Variants in RNF180 observed in about 807,000 individuals in gnomAD.
RNF180 encodes E3 ubiquitin-protein ligase RNF180.
Under a neutral mutation model 59.2 loss-of-function variants are expected in RNF180, and 38 were observed. The observed-to-expected ratio is 0.64, with a 90% CI of 0.50 to 0.84. RNF180 has a LOEUF of 0.84. RNF180 is among the 40% of genes least tolerant of loss of function. The pLI, the probability that RNF180 is intolerant of heterozygous loss-of-function variation, is 0.00. For missense variants in RNF180, 705 were observed against 700.9 expected (o/e 1.01, Z -0.07); for synonymous variants, 262 against 240.3 (o/e 1.09, Z -0.84).
In RNF180 at chr5:64,325,330, C is replaced by T. The variant is rs987753262; in HGVS notation, c.1372C>T (p.Arg458Trp). 7.7e-6 allele frequency: 12 copies of T among 1,551,510 alleles called. No homozygotes were observed. Among genetic ancestry groups the T allele is most frequent in the South Asian group, 1.2e-5 (1 of 84,060 alleles). The change falls in exon 6 of 8, where the codon CGG becomes TGG. Residue 458 changes from arginine (R) to tryptophan (W), a missense_variant. Coordinates refer to ENST00000389100, the MANE Select transcript of RNF180 (RefSeq NM_001113561.2). ...CHHIFCEPCL[R>W]TLAKDNPSST... ...TCACATCTTCTGTGAGCCCTGCTTACGGACTCTGGCCAAAGACAATCCTTC... is the reference window on the plus strand; with the variant it reads ...TCACATCTTCTGTGAGCCCTGCTTATGGACTCTGGCCAAAGACAATCCTTC...
chr5:64,339,577 A>AT (rs1355534883), intron 7 of RNF180, among the ~76,000 whole-genome samples: 2 of 152,168 alleles, frequency 1.3e-5, no homozygotes, highest in Non-Finnish European at 2.9e-5. Flanking sequence ...TCCCTAAGAA[A>AT]TTTACTTCTC....
chr5:64,175,307 G>A (rs1476526644), intron 1 of RNF180, among the ~76,000 whole-genome samples: 2 of 152,118 alleles, frequency 1.3e-5, no homozygotes, highest in Non-Finnish European at 2.9e-5. Flanking sequence ...TCATATGGTA[G>A]AAGACGGGGG....
intron 5 of RNF180, among the ~76,000 whole-genome samples, chr5:64,234,010 A>G (rs982451763): frequency 6.6e-6 from 1 of 152,184 alleles, no homozygotes; most frequent in Non-Finnish European, 1.5e-5. Context: ...AAAGTTAGAA[A>G]TGTCAGTAGT....
intron 7 of RNF180, among the ~76,000 whole-genome samples, chr5:64,344,123 T>C (rs1234725100): frequency 6.6e-6 from 1 of 151,842 alleles, no homozygotes; most frequent in East Asian, 1.9e-4. Context: ...AAATAAAAAA[T>C]GTAAACATTA....
intron 7 of RNF180, 146 bp from the exon 8 acceptor site, chr5:64,369,469 A>T (rs1746579435): frequency 8.3e-6 from 4 of 482,510 alleles, no homozygotes; most frequent in South Asian, 5.8e-5. Context: ...ATAATAATAA[A>T]AAAAAAAGAA....
At chr5:64,369,587 G>T in intron 7 of RNF180, 28 bp from the exon 8 acceptor site, 2 of 1,375,370 alleles carry the variant, frequency 1.5e-6, no homozygotes, top group Non-Finnish European at 1.9e-6. Context: ...GAATTTAATG[G>T]GCTTTAATAT....
At chr5:64,199,120 A>G (rs1751602275) in intron 1 of RNF180, among the ~76,000 whole-genome samples, 1 of 152,154 alleles carries the variant, frequency 6.6e-6, no homozygotes, top group Admixed American at 6.5e-5. Flanking sequence ...GCCCGGCCAA[A>G]TTAAATGATT....
At chr5:64,343,001 C>T (rs1226885544) in intron 7 of RNF180, among the ~76,000 whole-genome samples, 2 of 152,140 alleles carry the variant, frequency 1.3e-5, no homozygotes, top group South Asian at 4.1e-4. Flanking sequence ...ATGAGTCTCT[C>T]ACTCTGTCTG....
chr5:64,369,947 G>A lies in RNF180; in HGVS notation c.*133G>A. Reference sequence around the variant, plus strand: ...TTGTTGATGTTTATAGAAAGCCTGAGAATAATGAATTTATTTATTAATGTT... The same window carrying A: ...TTGTTGATGTTTATAGAAAGCCTGAAAATAATGAATTTATTTATTAATGTT... On this transcript the variant is annotated 3_prime_UTR_variant, in exon 8 of 8. Transcript: ENST00000389100. The A allele has an allele frequency of 2.0e-6, 1 of 512,592 alleles. No individual in the cohort carries two copies. Among genetic ancestry groups the A allele is most frequent in the Non-Finnish European group, 3.3e-6 (1 of 300,586 alleles). The allele number at this position is 512,592 out of a possible 1,614,324, so 31.8% of individuals were successfully genotyped here.
At chr5:64,219,650 A>G (rs1752807402) in intron 5 of RNF180, among the ~76,000 whole-genome samples, 1 of 151,376 alleles carries the variant, frequency 6.6e-6, no homozygotes, top group African/African-American at 2.4e-5. Flanking sequence ...GAGAGCTGGG[A>G]CTACAAGCGC....
chr5:64,229,157 T>C (rs1457684102), intron 5 of RNF180, among the ~76,000 whole-genome samples: 4 of 152,094 alleles, frequency 2.6e-5, no homozygotes, highest in African/African-American at 9.7e-5. Flanking sequence ...ATTCCTGGAC[T>C]CAAGTGACTC....
intron 7 of RNF180, among the ~76,000 whole-genome samples, chr5:64,350,188 G>A (rs1485293767): frequency 1.3e-5 from 2 of 152,074 alleles, no homozygotes; most frequent in Non-Finnish European, 2.9e-5. Flanking sequence ...ATTTTTTCAT[G>A]TGTCTTTTGG....
At chr5:64,204,470 T>C (rs1455415807) in intron 2 of RNF180, among the ~76,000 whole-genome samples, 1 of 152,212 alleles carries the variant, frequency 6.6e-6, no homozygotes, top group Non-Finnish European at 1.5e-5. Context: ...TAACATCTCA[T>C]TCTCAGAGGT....
intron 7 of RNF180, among the ~76,000 whole-genome samples, chr5:64,335,410 T>A (rs1181916951): frequency 6.6e-6 from 1 of 152,116 alleles, no homozygotes; most frequent in Non-Finnish European, 1.5e-5. Context: ...TTTTCTTATG[T>A]ATTTTTCAAA....
At chr5:64,250,922 C>A (rs1173811220) in intron 5 of RNF180, among the ~76,000 whole-genome samples, 1 of 152,078 alleles carries the variant, frequency 6.6e-6, no homozygotes, top group Admixed American at 6.6e-5. Flanking sequence ...AAACTACAGT[C>A]CAATAAAGCT....
intron 5 of RNF180, among the ~76,000 whole-genome samples, chr5:64,248,080 A>G (rs1006494562): frequency 2.0e-5 from 3 of 152,018 alleles, no homozygotes; most frequent in East Asian, 1.9e-4. Context: ...ACTGGACCCA[A>G]TCCTTACACC....
At chr5:64,234,697 T>G (rs1469456553) in intron 5 of RNF180, among the ~76,000 whole-genome samples, 1 of 139,532 alleles carries the variant, frequency 7.2e-6, no homozygotes, top group African/African-American at 2.7e-5. Context: ...CCTCCCGGGT[T>G]CACCCCATTC....
At position 64,325,416 on chromosome 5, in the gene RNF180, C is replaced by T. The variant is rs552103516; in HGVS notation, c.1453+5C>T. 1,045 of 1,509,106 alleles carry T rather than the reference C, an allele frequency of 6.9e-4. 10 individuals carry two copies. In the South Asian group the frequency reaches 7.1e-3, roughly 10 times the overall value. 93.5% of individuals were successfully genotyped at this position (1,509,106 alleles called of 1,614,324 possible). ...CTAGAGTCTTTTTCCAAACAGGTAA[C>T]AATTCTCTTTCATTAACATGATTGT... On this transcript the variant is annotated splice_donor_5th_base_variant and intron_variant, in intron 6 of 7. Transcript: ENST00000389100.
intron 5 of RNF180, among the ~76,000 whole-genome samples, chr5:64,306,346 A>T (rs1395877544): frequency 6.6e-6 from 1 of 151,644 alleles, no homozygotes; most frequent in African/African-American, 2.4e-5. Flanking sequence ...ATATGTAAAA[A>T]ACTGTGGAAG....
Sources: allele counts gnomAD v4.1 joint callset (sites outside exome capture counted in the v4.1 genomes callset), GRCh38; gene constraint gnomAD v4.1.1; transcripts MANE v1.5; gene names NCBI Gene and HGNC (gene_info 2026-07-23, HGNC 2026-07-21).